Variants in PLS1 observed in about 807,000 individuals in gnomAD.
The protein encoded by PLS1 is plastin-1.
Under a neutral mutation model 73.7 loss-of-function variants are expected in PLS1, and 32 were observed. The observed-to-expected ratio is 0.43, with a 90% CI of 0.33 to 0.58. The LOEUF (loss-of-function observed/expected upper bound fraction) is 0.58, where lower values mean the gene tolerates loss of function less well. Among genes scored for constraint, PLS1 ranks in the 20% least tolerant of loss-of-function variants. The probability of loss-of-function intolerance (pLI) is 0.04; values close to 1 mark genes in which losing one functional copy is unlikely to be tolerated. For synonymous variants in PLS1, 217 were observed against 261.3 expected, an observed-to-expected ratio of 0.83 and a Z score of 1.63; for missense variants, 633 against 740.5, an observed-to-expected ratio of 0.85 and a Z score of 1.68.
intron 6 of PLS1, among the ~76,000 whole-genome samples, chr3:142,683,039 A>G (rs1192502303): frequency 6.6e-6 from 1 of 152,228 alleles, no homozygotes. Flanking sequence ...AGATACAGCC[A>G]TTTATTTACT....
chr3:142,697,528 T>G, intron 11 of PLS1, among the ~76,000 whole-genome samples: 1 of 152,204 alleles, frequency 6.6e-6, no homozygotes. Flanking sequence ...TGACTCTAAA[T>G]TTTTTTAAAT....
At chr3:142,622,697 C>T (rs1260457768) in intron 1 of PLS1, among the ~76,000 whole-genome samples, 2 of 152,186 alleles carry the variant, frequency 1.3e-5, no homozygotes, top group East Asian at 3.8e-4. Context: ...GTTCTTGCCT[C>T]ACTTAAATGG....
At chr3:142,674,739 T>TCA (rs2037684148) in intron 4 of PLS1, among the ~76,000 whole-genome samples, 1 of 152,062 alleles carries the variant, frequency 6.6e-6, no homozygotes, top group Non-Finnish European at 1.5e-5. Context: ...TCGTTTTTTG[T>TCA]TTTTTTGAGA....
Position 142,652,567 on chromosome 3 carries a change from A to AGT in PLS1, c.-36-11634_-36-11633insTG, listed in dbSNP as rs1200098391. Reference sequence around the variant, plus strand: ...TAGCGCATCTATCTGAGTGGAGCCGAGGGCACAGAGTAGGAGGCGGGGGAA... The same window carrying AGT: ...TAGCGCATCTATCTGAGTGGAGCCGAGTGGGCACAGAGTAGGAGGCGGGGGAA... On this transcript the variant is annotated intron_variant, in intron 1 of 15. Transcript: ENST00000457734. Among the ~76,000 whole-genome samples the AGT allele has an allele frequency of 2.6e-5, 4 of 152,286 alleles. No individual in the cohort carries two copies. The South Asian group carries it at 6.2e-4, about 24-fold the overall frequency.
At chr3:142,670,868 C>A in intron 3 of PLS1, 125 bp from the exon 4 acceptor site, 1 of 609,870 alleles carries the variant, frequency 1.6e-6, no homozygotes, top group Non-Finnish European at 2.8e-6. Flanking sequence ...TGTATACAAG[C>A]AATAAGTACA....
At chr3:142,701,706 C>T (rs1463786115) in intron 12 of PLS1, among the ~76,000 whole-genome samples, 6 of 152,200 alleles carry the variant, frequency 3.9e-5, no homozygotes, top group Non-Finnish European at 5.9e-5. Context: ...GGCCTCTATA[C>T]TAGCAACCCT....
At chr3:142,660,620 A>G (rs542003094) in intron 1 of PLS1, among the ~76,000 whole-genome samples, 7 of 152,342 alleles carry the variant, frequency 4.6e-5, no homozygotes, top group Non-Finnish European at 8.8e-5. Flanking sequence ...CTTCCACACC[A>G]TTGTGAAGTT....
At chr3:142,606,698 A>G (rs927622656) in intron 1 of PLS1, among the ~76,000 whole-genome samples, 1 of 152,196 alleles carries the variant, frequency 6.6e-6, no homozygotes, top group Non-Finnish European at 1.5e-5. Context: ...ATCGTATAAT[A>G]TGTGGCCTTT....
chr3:142,650,249 C>T (rs746414877), intron 1 of PLS1, among the ~76,000 whole-genome samples: 7 of 112,876 alleles, frequency 6.2e-5, no homozygotes, highest in South Asian at 3.0e-4. Flanking sequence ...GACTGAGTCT[C>T]GCTCTGTCAC....
At chr3:142,629,995 G>C (rs1408961871) in intron 1 of PLS1, among the ~76,000 whole-genome samples, 1 of 152,146 alleles carries the variant, frequency 6.6e-6, no homozygotes, top group Non-Finnish European at 1.5e-5. Context: ...TCACTTCTGT[G>C]CTGGTCCTGC....
rs373809255 is a variant in PLS1, at chr3:142,638,893, C to T, written c.-36-25309C>T. Among the ~76,000 whole-genome samples, 16 of 151,974 alleles carry T rather than the reference C, an allele frequency of 1.1e-4. 1 individual carries two copies. In the East Asian group the frequency reaches 1.4e-3, roughly 13 times the overall value. On this transcript the variant is annotated intron_variant, in intron 1 of 15. Transcript: ENST00000457734. ...AGTAGGTGGGATTATAGGCATCCAC[C>T]GCCACGCCTGGCTAATTTTGTATTT...
chr3:142,701,685 A>G (rs879764276), intron 12 of PLS1, among the ~76,000 whole-genome samples: 13 of 152,162 alleles, frequency 8.5e-5, no homozygotes, highest in Non-Finnish European at 1.5e-4. Flanking sequence ...GGTCCTATCA[A>G]TATATTCTTA....
chr3:142,708,620 A>G (rs527696130), intron 14 of PLS1, among the ~76,000 whole-genome samples: 95 of 152,374 alleles, frequency 6.2e-4, no homozygotes, highest in South Asian at 1.5e-3. Flanking sequence ...AATAGAGGGA[A>G]AAATCATTAT....
chr3:142,679,684 G>A (rs1469336138), intron 6 of PLS1, among the ~76,000 whole-genome samples: 2 of 151,638 alleles, frequency 1.3e-5, no homozygotes, highest in South Asian at 4.1e-4. Flanking sequence ...CAGCCTTGTA[G>A]TATAGTTTGA....
At chr3:142,648,714 A>G (rs573880302) in intron 1 of PLS1, among the ~76,000 whole-genome samples, 1 of 152,358 alleles carries the variant, frequency 6.6e-6, no homozygotes, top group Non-Finnish European at 1.5e-5. Context: ...GACCATATAT[A>G]AAAATGCCTG....
At chr3:142,630,607 C>T (rs951942261) in intron 1 of PLS1, among the ~76,000 whole-genome samples, 6 of 151,122 alleles carry the variant, frequency 4.0e-5, no homozygotes, top group South Asian at 2.1e-4. Context: ...AAAAATTAGC[C>T]GGTCATGGTG....
chr3:142,671,123 G>A lies in PLS1; in HGVS notation c.364+1G>A. On this transcript the variant is annotated splice_donor_variant, in intron 4 of 15. Coordinates refer to ENST00000457734, the MANE Select transcript of PLS1 (RefSeq NM_001145319.2). LOFTEE classifies it high-confidence loss of function. ...GAGGGCACACAGCATTCTTATTCAG[G>A]TAACTGACTTCTCCAAATTTGATCT... is the stretch of plus-strand genomic sequence containing the variant. The A allele has an allele frequency of 6.2e-7, 1 of 1,610,420 alleles. No homozygotes were observed. The highest frequency in any genetic ancestry group is 8.5e-7 in the Non-Finnish European group (1 of 1,177,384).
rs1432865292 is a variant in PLS1 at position 142,684,002 on chromosome 3, TCA to T, written c.580-3_580-2del. 6.3e-7 allele frequency: 1 copy of T among 1,591,814 alleles called. No homozygotes were observed. Among genetic ancestry groups the T allele is most frequent in the South Asian group, 1.1e-5 (1 of 87,114 alleles). ...CATGTGTACTTTTTTTTTTGGCAAT[TCA>T]GGAAAATTTAAACCTAGCTCTGAAT... On this transcript the variant is annotated splice_acceptor_variant and splice_polypyrimidine_tract_variant and intron_variant, in intron 6 of 15. Transcript: ENST00000457734. LOFTEE classifies it high-confidence loss of function.
chr3:142,655,152 G>C (rs1325993177), intron 1 of PLS1, among the ~76,000 whole-genome samples: 1 of 152,122 alleles, frequency 6.6e-6, no homozygotes, highest in African/African-American at 2.4e-5. Flanking sequence ...TAATGTACAT[G>C]AACGGAATAA....
Sources: gnomAD v4.1 joint callset for allele counts (sites outside exome capture counted in the v4.1 genomes callset) on GRCh38, gnomAD v4.1.1 for gene constraint, MANE v1.5 for transcripts, NCBI Gene and HGNC (gene_info 2026-07-23, HGNC 2026-07-21) for gene names.